The following CSMD1 variants were observed in gnomAD, a reference collection of about 807,000 sequenced individuals.
CSMD1 encodes CUB and sushi domain-containing protein 1.
Under a neutral mutation model 417.5 loss-of-function variants are expected in CSMD1, and 213 were observed. The ratio of observed to expected loss-of-function variants is 0.51; its 90% CI spans 0.46 to 0.57. The LOEUF (loss-of-function observed/expected upper bound fraction) is 0.57, where lower values mean the gene tolerates loss of function less well. Among genes scored for constraint, CSMD1 ranks in the 20% least tolerant of loss-of-function variants. The pLI is 0.00. For synonymous variants in CSMD1, 2,862 were observed against 1,736.8 expected (o/e 1.65, Z -16.11); for missense variants, 6,923 against 4,529.7 (o/e 1.53, Z -15.17).
chr8:2,942,353 AAAG>A, intron 69 of CSMD1, 116 bp downstream of exon 69: 1 of 936,126 alleles, frequency 1.1e-6, no homozygotes, highest in Non-Finnish European at 1.5e-6. Flanking sequence ...AAAAAAAAAA[AAAG>A]AACATTGCAT....
intron 64 of CSMD1, 137 bp from the exon 65 acceptor site, chr8:2,954,405 C>T (rs930351151): frequency 3.8e-6 from 2 of 531,928 alleles, no homozygotes; most frequent in Admixed American, 3.7e-5. Flanking sequence ...TATACATATA[C>T]ATTTTAAACT....
rs141134659 is a variant in CSMD1, at chr8:2,990,143, T to G, written c.8377+7868A>C. 6.0e-3 allele frequency among the ~76,000 whole-genome samples: 910 copies of G among 152,330 alleles called. 11 individuals are homozygous for G. The highest frequency in any genetic ancestry group is 0.014 in the Middle Eastern group (4 of 294). On this transcript the variant is annotated intron_variant, in intron 54 of 69. Transcript: ENST00000635120. ...CTTCAGTCATGCAATTTATTTTCTG[T>G]CACACAAGGAAGAGAAAAGAGTTTG... is the stretch of plus-strand genomic sequence containing the variant.
At chr8:3,442,448 C>G (rs1027521187) in intron 12 of CSMD1, among the ~76,000 whole-genome samples, 4 of 152,078 alleles carry the variant, frequency 2.6e-5, no homozygotes, top group African/African-American at 9.7e-5. Context: ...TTTTTTATCT[C>G]TTATACAGTG....
intron 3 of CSMD1, among the ~76,000 whole-genome samples, chr8:4,067,932 C>G (rs761356218): frequency 4.6e-5 from 7 of 152,066 alleles, no homozygotes; most frequent in Non-Finnish European, 1.0e-4. Flanking sequence ...CAAAAATTAA[C>G]TGGGCATGGT....
chr8:3,057,333 G>C (rs540345241), intron 49 of CSMD1, among the ~76,000 whole-genome samples: 1 of 152,186 alleles, frequency 6.6e-6, no homozygotes, highest in East Asian at 1.9e-4. Context: ...AAAACATTAT[G>C]TTTGTATATA....
At chr8:4,953,195 G>A (rs1177181496) in intron 1 of CSMD1, among the ~76,000 whole-genome samples, 2 of 152,278 alleles carry the variant, frequency 1.3e-5, no homozygotes, top group African/African-American at 4.8e-5. Context: ...CTCATTGTAG[G>A]AGGAAAATCT....
In CSMD1 at chr8:4,810,539, G is replaced by A. The variant is rs553343991; in HGVS notation, c.86-172981C>T. ...TAGTAAAATACACGTGTGTGTGTGT[G>A]TGCGCACGCGCGTATGTGTGTGTAT... On this transcript the variant is annotated intron_variant, in intron 1 of 69. Transcript: ENST00000635120. Among the ~76,000 whole-genome samples the A allele has an allele frequency of 3.0e-4, 46 of 152,280 alleles. No homozygotes were observed. In the South Asian group the frequency reaches 8.7e-3, roughly 29 times the overall value.
chr8:4,462,919 G>C (rs1799925701), intron 2 of CSMD1, among the ~76,000 whole-genome samples: 1 of 152,022 alleles, frequency 6.6e-6, no homozygotes. Context: ...AGTCTTCTTA[G>C]ATATGACATC....
At position 3,182,182 on chromosome 8, in the gene CSMD1, A is replaced by G. The variant is rs115456465; in HGVS notation, c.5621-968T>C. Reference sequence around the variant, plus strand: ...GTTGATAATTATTCCAAACAGATGAACATTATTGAAAAGATAAGATTGTCT... The same window carrying G: ...GTTGATAATTATTCCAAACAGATGAGCATTATTGAAAAGATAAGATTGTCT... On this transcript the variant is annotated intron_variant, in intron 36 of 69. Transcript: ENST00000635120. Among the ~76,000 whole-genome samples the G allele has an allele frequency of 9.3e-3, 1,416 of 152,336 alleles. 22 individuals carry two copies. The highest frequency in any genetic ancestry group is 0.032 in the African/African-American group (1,332 of 41,568).
chr8:3,421,228 A>G (rs1358140492), intron 12 of CSMD1, among the ~76,000 whole-genome samples: 1 of 152,186 alleles, frequency 6.6e-6, no homozygotes, highest in Non-Finnish European at 1.5e-5. Flanking sequence ...AGAGTCATTA[A>G]AGTATAAAAG....
chr8:4,441,107 T>TTTG (rs1554478156), intron 2 of CSMD1, among the ~76,000 whole-genome samples: 2 of 125,026 alleles, frequency 1.6e-5, no homozygotes, highest in Non-Finnish European at 3.4e-5. Context: ...TTTTTTTTTT[T>TTTG]TTTTTTTTTT....
chr8:4,545,247 T>G (rs759543805), intron 2 of CSMD1, among the ~76,000 whole-genome samples: 34 of 152,214 alleles, frequency 2.2e-4, no homozygotes, highest in African/African-American at 8.2e-4. Flanking sequence ...CAGTAATGTA[T>G]AGTTACTTCA....
chr8:4,046,148 C>G (rs1798134819), intron 3 of CSMD1, among the ~76,000 whole-genome samples: 1 of 151,836 alleles, frequency 6.6e-6, no homozygotes, highest in South Asian at 2.1e-4. Flanking sequence ...TATTATGTAT[C>G]ATAAATTTAT....
intron 3 of CSMD1, among the ~76,000 whole-genome samples, chr8:4,302,827 A>C (rs1386061858): frequency 6.6e-6 from 1 of 152,132 alleles, no homozygotes; most frequent in Admixed American, 6.6e-5. Flanking sequence ...ACAGGGTCCT[A>C]GTGACCCTGT....
chr8:3,136,547 G>A lies in CSMD1; in HGVS notation c.6241+5918C>T, dbSNP rs1244482577. Among the ~76,000 whole-genome samples the A allele has an allele frequency of 2.0e-5, 3 of 152,128 alleles. No individual in the cohort carries two copies. In the East Asian group the frequency reaches 5.8e-4, roughly 29 times the overall value. Reference sequence around the variant, plus strand: ...CCCAAAGTGCTGGGATTACAGACATGAGCCACCGTGACCGGCTCATCCCTT... The same window carrying A: ...CCCAAAGTGCTGGGATTACAGACATAAGCCACCGTGACCGGCTCATCCCTT... On this transcript the variant is annotated intron_variant, in intron 41 of 69. Transcript: ENST00000635120.
At chr8:3,783,501 G>A (rs959343531) in intron 5 of CSMD1, among the ~76,000 whole-genome samples, 9 of 152,312 alleles carry the variant, frequency 5.9e-5, no homozygotes, top group African/African-American at 1.7e-4. Context: ...GCTGAGGAGG[G>A]GAAAGGACCT....
chr8:4,351,776 C>T (rs1029058425), intron 3 of CSMD1, among the ~76,000 whole-genome samples: 1 of 152,076 alleles, frequency 6.6e-6, no homozygotes, highest in African/African-American at 2.4e-5. Flanking sequence ...GAAATTGCCA[C>T]TTATTTTGTG....
At chr8:2,988,974 TTAAC>T (rs1195244415) in intron 54 of CSMD1, among the ~76,000 whole-genome samples, 1 of 152,196 alleles carries the variant, frequency 6.6e-6, no homozygotes, top group African/African-American at 2.4e-5. Flanking sequence ...TTTTGTGCCA[TTAAC>T]TAAGTGCTGC....
chr8:4,560,917 C>G (rs1231571006), intron 2 of CSMD1, among the ~76,000 whole-genome samples: 1 of 152,138 alleles, frequency 6.6e-6, no homozygotes, highest in Non-Finnish European at 1.5e-5. Context: ...GTTCACTTAT[C>G]AAAGATCCGT....
Sources: allele counts gnomAD v4.1 joint callset (sites outside exome capture counted in the v4.1 genomes callset), GRCh38; gene constraint gnomAD v4.1.1; transcripts MANE v1.5; gene names NCBI Gene and HGNC (gene_info 2026-07-23, HGNC 2026-07-21).